BMPR2: variants seen among roughly 807,000 people sequenced by gnomAD.
The protein encoded by BMPR2 is bone morphogenetic protein receptor type 2.
In BMPR2, 29 loss-of-function variants were observed where a neutral mutation model predicts 100.8. That is an observed-to-expected ratio of 0.29 (90% CI 0.21 to 0.39). BMPR2 has a LOEUF of 0.39. BMPR2 is among the 10% of genes least tolerant of loss of function. BMPR2 has a pLI of 1.00. For missense variants in BMPR2, 1,011 were observed against 1,274.5 expected (o/e 0.79, Z 3.15); for synonymous variants, 382 against 442.3 (o/e 0.86, Z 1.71).
At chr2:202,465,781 A>G (rs903105874) in intron 2 of BMPR2, among the ~76,000 whole-genome samples, 13 of 152,060 alleles carry the variant, frequency 8.5e-5, no homozygotes, top group Non-Finnish European at 1.5e-4. Flanking sequence ...TGAAGCTGGG[A>G]GGCGGAGCTT....
intron 1 of BMPR2, among the ~76,000 whole-genome samples, chr2:202,463,209 G>A (rs115782725): frequency 8.7e-4 from 133 of 152,286 alleles, no homozygotes; most frequent in African/African-American, 3.1e-3. Context: ...TGGGGTGGAA[G>A]GAGGGCAACA....
At chr2:202,492,723 AC>A (rs1692931092) in intron 3 of BMPR2, among the ~76,000 whole-genome samples, 14 of 129,078 alleles carry the variant, frequency 1.1e-4, no homozygotes, top group African/African-American at 1.4e-4. Context: ...AAAAAAAAAA[AC>A]CAAAAAAAAA....
chr2:202,438,799 C>T (rs1465485599), intron 1 of BMPR2, among the ~76,000 whole-genome samples: 1 of 150,680 alleles, frequency 6.6e-6, no homozygotes, highest in Non-Finnish European at 1.5e-5. Flanking sequence ...TCTGAACTCT[C>T]AATTCCATTC....
intron 3 of BMPR2, among the ~76,000 whole-genome samples, chr2:202,506,237 A>G (rs1419720683): frequency 6.6e-6 from 1 of 151,896 alleles, no homozygotes; most frequent in African/African-American, 2.4e-5. Flanking sequence ...GCTCACTGCA[A>G]CCTCCGCTTC....
At position 202,555,384 on chromosome 2, in the gene BMPR2, C is replaced by T. The variant is rs770293406; in HGVS notation, c.1719C>T (p.Ser573=). The change falls in exon 12 of 13, where the codon TCC becomes TCT. Residue 573 remains serine (S), a synonymous_variant. Transcript: ENST00000374580. ...VKNISSEHSM[S]STPLTIGEKN... is the part of the protein sequence containing the mutation. ...ATATTTCCTCTGAGCATTCTATGTC[C>T]AGCACACCTTTGACTATAGGGGAAA... is the stretch of plus-strand genomic sequence containing the variant. The T allele has an allele frequency of 2.4e-5, 39 of 1,614,116 alleles. No homozygotes were observed. The highest frequency in any genetic ancestry group is 3.2e-5 in the Non-Finnish European group (38 of 1,180,004).
chr2:202,424,375 A>G (rs1178852016), intron 1 of BMPR2, among the ~76,000 whole-genome samples: 1 of 108,180 alleles, frequency 9.2e-6, no homozygotes, highest in Non-Finnish European at 2.0e-5. Flanking sequence ...CTTCGTCTGA[A>G]GAAAAAAAAA....
intron 3 of BMPR2, among the ~76,000 whole-genome samples, chr2:202,493,784 T>C (rs1184014013): frequency 6.6e-6 from 1 of 152,204 alleles, no homozygotes; most frequent in African/African-American, 2.4e-5. Flanking sequence ...AATTTAACTT[T>C]AGACTGTTAT....
chr2:202,404,032 A>G (rs1690827784), intron 1 of BMPR2, among the ~76,000 whole-genome samples: 1 of 151,710 alleles, frequency 6.6e-6, no homozygotes, highest in African/African-American at 2.4e-5. Flanking sequence ...GTGAGATATT[A>G]AGGGCTTTTA....
At chr2:202,507,794 G>A (rs1443790390) in intron 3 of BMPR2, among the ~76,000 whole-genome samples, 1 of 151,580 alleles carries the variant, frequency 6.6e-6, no homozygotes, top group Non-Finnish European at 1.5e-5. Flanking sequence ...CTGCCTCCCG[G>A]GTTCAAGCGA....
At chr2:202,540,389 C>G (rs542800297) in intron 9 of BMPR2, among the ~76,000 whole-genome samples, 2 of 152,236 alleles carry the variant, frequency 1.3e-5, no homozygotes, top group Admixed American at 1.3e-4. Context: ...AAGTGATATA[C>G]TAACTGCCAT....
intron 1 of BMPR2, among the ~76,000 whole-genome samples, chr2:202,409,118 G>A (rs575654469): frequency 6.6e-5 from 10 of 152,322 alleles, no homozygotes; most frequent in Admixed American, 2.0e-4. Flanking sequence ...GCCGAGGTGG[G>A]TGAATCACTT....
chr2:202,494,218 T>C (rs2105984466), intron 3 of BMPR2, among the ~76,000 whole-genome samples: 1 of 152,366 alleles, frequency 6.6e-6, no homozygotes, highest in Middle Eastern at 3.4e-3. Flanking sequence ...TCGTTTTGGA[T>C]TTAAATGTTT....
At chr2:202,428,630 C>G (rs937234667) in intron 1 of BMPR2, among the ~76,000 whole-genome samples, 1 of 151,996 alleles carries the variant, frequency 6.6e-6, no homozygotes, top group African/African-American at 2.4e-5. Flanking sequence ...TGGTCCTGAA[C>G]TCCTGGGCTG....
chr2:202,528,585 G>A (rs755503361), intron 7 of BMPR2, among the ~76,000 whole-genome samples: 8 of 152,222 alleles, frequency 5.3e-5, no homozygotes, highest in South Asian at 4.1e-4. Flanking sequence ...TTAACCTACT[G>A]AACATCATAG....
chr2:202,423,543 G>T (rs1344686952), intron 1 of BMPR2, among the ~76,000 whole-genome samples: 1 of 152,174 alleles, frequency 6.6e-6, no homozygotes, highest in Non-Finnish European at 1.5e-5. Flanking sequence ...TTGAGCCCAG[G>T]AGTTCAAGAT....
chr2:202,466,455 T>C (rs566969329), intron 2 of BMPR2, among the ~76,000 whole-genome samples: 20 of 152,068 alleles, frequency 1.3e-4, no homozygotes, highest in Non-Finnish European at 1.8e-4. Context: ...CCCAGCTAAT[T>C]TTTGTATTCT....
In BMPR2 at chr2:202,563,496, C is replaced by G. The variant is rs1688709752; in HGVS notation, c.*3550C>G. 1 of 151,980 alleles carries G rather than the reference C, an allele frequency of 6.6e-6. No individual in the cohort carries two copies. The highest frequency in any genetic ancestry group is 2.1e-4 in the South Asian group (1 of 4,830). 9.4% of individuals were successfully genotyped at this position (151,980 alleles called of 1,614,324 possible). On this transcript the variant is annotated 3_prime_UTR_variant, in exon 13 of 13. Transcript: ENST00000374580. ...GCACAATTTTCATTTGTATATGAGCCAAACCACATACCTTAATGATTTGGG... is the reference window on the plus strand; with the variant it reads ...GCACAATTTTCATTTGTATATGAGCGAAACCACATACCTTAATGATTTGGG...
Position 202,503,511 on chromosome 2 carries a change from C to G in BMPR2, c.419-10208C>G, listed in dbSNP as rs1687451675. ...CCCGGGCAATGAGGGGCTTAGCACCCAGGCCAGCAGCTGCGGAGGGTGTAC... is the reference window on the plus strand; with the variant it reads ...CCCGGGCAATGAGGGGCTTAGCACCGAGGCCAGCAGCTGCGGAGGGTGTAC... On this transcript the variant is annotated intron_variant, in intron 3 of 12. Coordinates refer to ENST00000374580, the MANE Select transcript of BMPR2 (RefSeq NM_001204.7). This position sits in a 1 kb window ranked among gnomAD's most constrained non-coding sequence, Gnocchi z 4.0. 1.3e-5 allele frequency among the ~76,000 whole-genome samples: 2 copies of G among 152,234 alleles called. No homozygotes were observed. Among genetic ancestry groups the G allele is most frequent in the Admixed American group, 6.5e-5 (1 of 15,286 alleles).
chr2:202,517,876 G>A (rs1364237629), intron 5 of BMPR2, among the ~76,000 whole-genome samples: 17 of 146,248 alleles, frequency 1.2e-4, no homozygotes, highest in Non-Finnish European at 2.2e-4. Flanking sequence ...GCAGTGGCGC[G>A]ACCTCGGCTC....
Sources: allele counts gnomAD v4.1 joint callset (sites outside exome capture counted in the v4.1 genomes callset), GRCh38; gene constraint gnomAD v4.1.1; non-coding constraint Gnocchi (gnomAD v3.1); transcripts MANE v1.5; gene names NCBI Gene and HGNC (gene_info 2026-07-23, HGNC 2026-07-21).